The following TMEM87B variants were observed in gnomAD, a reference collection of about 807,000 sequenced individuals.
TMEM87B encodes the protein transmembrane protein 87B.
TMEM87B carries 83 observed loss-of-function variants against 80.3 expected under a neutral mutation model. The ratio of observed to expected loss-of-function variants is 1.03; its 90% confidence interval spans 0.87 to 1.24. The LOEUF is 1.24. TMEM87B is among the 50% of genes most tolerant of loss of function. The pLI is 0.00. For missense variants in TMEM87B, 625 were observed against 674.4 expected (o/e 0.93, Z 0.81); for synonymous variants, 219 against 230.5 (o/e 0.95, Z 0.45).
Position 112,055,732 on chromosome 2 carries a change from G to C in TMEM87B, c.141G>C (p.Gly47=). ...PAAVRAVPEL[G]LWLETVNDKS... ...CTGTGCGCGCGGTCCCTGAGCTCGGGCTCTGGTTAGAGACAGTCAACGACG... is the reference window on the plus strand; with the variant it reads ...CTGTGCGCGCGGTCCCTGAGCTCGGCCTCTGGTTAGAGACAGTCAACGACG... The change falls in exon 1 of 19, where the codon GGG becomes GGC. Residue 47 remains glycine, a synonymous_variant. Coordinates refer to ENST00000283206, the MANE Select transcript of TMEM87B (RefSeq NM_032824.3). 9 of 1,522,536 alleles carry C rather than the reference G, an allele frequency of 5.9e-6. No homozygotes were observed. The highest frequency in any genetic ancestry group is 7.9e-6 in the Non-Finnish European group (9 of 1,142,468). The allele number at this position is 1,522,536 out of a possible 1,614,324, so 94.3% of individuals were successfully genotyped here.
chr2:112,075,074 C>A, intron 5 of TMEM87B, 112 bp downstream of exon 5: 1 of 1,411,178 alleles, frequency 7.1e-7, no homozygotes, highest in Non-Finnish European at 9.4e-7. Context: ...GTTATTAGAA[C>A]TGTGGAAGGA....
At chr2:112,097,388 T>C in intron 13 of TMEM87B, 97 bp downstream of exon 13, 1 of 1,059,128 alleles carries the variant, frequency 9.4e-7, no homozygotes, top group Non-Finnish European at 1.3e-6. Context: ...GAGGTGATTT[T>C]AATGGAGATT....
At chr2:112,091,816 T>C (rs1679310399) in intron 11 of TMEM87B, 33 bp downstream of exon 11, 1 of 1,472,058 alleles carries the variant, frequency 6.8e-7, no homozygotes, top group Non-Finnish European at 9.4e-7. Flanking sequence ...AAATAGTTTG[T>C]TGTATCATGA....
intron 17 of TMEM87B, among the ~76,000 whole-genome samples, chr2:112,111,729 A>C (rs1233583563): frequency 6.6e-6 from 1 of 152,218 alleles, no homozygotes; most frequent in Non-Finnish European, 1.5e-5. Context: ...AAGTCATGGG[A>C]CATTTTAAAC....
intron 17 of TMEM87B, among the ~76,000 whole-genome samples, chr2:112,109,242 T>C (rs1364166019): frequency 6.6e-6 from 1 of 152,198 alleles, no homozygotes; most frequent in African/African-American, 2.4e-5. Context: ...ATTTTAGCAG[T>C]CAGAAAAGGA....
At chr2:112,095,504 C>T (rs1234422274) in intron 11 of TMEM87B, 3 of 940,392 alleles carry the variant, frequency 3.2e-6, no homozygotes, top group Admixed American at 6.2e-5. Flanking sequence ...TTAAACCAGA[C>T]CAGATTTTTT....
intron 1 of TMEM87B, among the ~76,000 whole-genome samples, chr2:112,057,703 C>T (rs998454695): frequency 3.9e-5 from 6 of 152,176 alleles, no homozygotes; most frequent in African/African-American, 1.4e-4. Context: ...AAGACGTTCA[C>T]ACAATAATAC....
In TMEM87B at chr2:112,055,405, C is replaced by T; in HGVS notation, c.-187C>T. ...CGGCTCAGAGCCCTAAGCCCTGCCT[C>T]CCGGTCCTGGCCGGGTTTCCCAGAA... is the stretch of plus-strand genomic sequence containing the variant. On this transcript the variant is annotated 5_prime_UTR_variant, in exon 1 of 19. Transcript: ENST00000283206. 1 of 633,590 alleles carries T rather than the reference C, an allele frequency of 1.6e-6. No homozygotes were observed. Among genetic ancestry groups the T allele is most frequent in the Non-Finnish European group, 2.5e-6 (1 of 398,486 alleles). The allele number at this position is 633,590 out of a possible 1,614,324, so 39.2% of individuals were successfully genotyped here. A position where few individuals can be genotyped will look rare whatever the true frequency, so the allele number is the denominator to read the frequency against.
At position 112,060,305 on chromosome 2, in the gene TMEM87B, C is replaced by T. The variant is rs562839912; in HGVS notation, c.226+268C>T. Among the ~76,000 whole-genome samples the T allele has an allele frequency of 1.7e-4, 26 of 151,384 alleles. 1 individual carries two copies. The highest frequency in any genetic ancestry group is 5.8e-4 in the African/African-American group (24 of 41,252). On this transcript the variant is annotated intron_variant, in intron 2 of 18. Transcript: ENST00000283206. ...CAGAGCTTGCAGTGAGCCGAGATCG[C>T]GCCACTGCACTCCAGCCTGGGCGAC...
At chr2:112,081,674 C>T (rs112265100) in intron 8 of TMEM87B, among the ~76,000 whole-genome samples, 156 bp downstream of exon 8, 4 of 152,108 alleles carry the variant, frequency 2.6e-5, no homozygotes, top group Admixed American at 2.0e-4. Flanking sequence ...TCAGAGTAGG[C>T]CTCTGATCTG....
chr2:112,098,926 A>C (rs1573720654), intron 14 of TMEM87B, among the ~76,000 whole-genome samples: 1 of 152,256 alleles, frequency 6.6e-6, no homozygotes, highest in South Asian at 2.1e-4. Context: ...GACAGCGCTT[A>C]CATTACACCT....
rs747975551 is a variant in TMEM87B, at chr2:112,055,585, G to C, written c.-7G>C. ...CTCGGAGCGCCAGGTGCAGCTTCCT[G>C]GTCAAGATGGTCGCCGCCTGCCGCT... On this transcript the variant is annotated 5_prime_UTR_variant, in exon 1 of 19. Transcript: ENST00000283206. The C allele has an allele frequency of 4.6e-6, 7 of 1,513,224 alleles. No homozygotes were observed. Among genetic ancestry groups the C allele is most frequent in the Non-Finnish European group, 6.2e-6 (7 of 1,133,866 alleles). 93.7% of individuals were successfully genotyped at this position (1,513,224 alleles called of 1,614,324 possible). A position where few individuals can be genotyped will look rare whatever the true frequency, so the allele number is the denominator to read the frequency against.
chr2:112,095,386 G>A, intron 11 of TMEM87B: 2 of 984,102 alleles, frequency 2.0e-6, no homozygotes, highest in Non-Finnish European at 2.4e-6. Context: ...TCCATGGCAG[G>A]AATGATTTAC....
intron 1 of TMEM87B, among the ~76,000 whole-genome samples, chr2:112,058,072 C>T (rs1451453408): frequency 6.6e-6 from 1 of 152,208 alleles, no homozygotes; most frequent in African/African-American, 2.4e-5. Flanking sequence ...GGTGATCCTC[C>T]CGCCTCAGCC....
chr2:112,080,953 A>G, intron 6 of TMEM87B, 104 bp from the exon 7 acceptor site: 1 of 952,166 alleles, frequency 1.1e-6, no homozygotes, highest in Non-Finnish European at 1.6e-6. Flanking sequence ...CAAATTCAGC[A>G]TTTGTTAGTG....
At chr2:112,057,939 T>A (rs1678131406) in intron 1 of TMEM87B, among the ~76,000 whole-genome samples, 1 of 151,720 alleles carries the variant, frequency 6.6e-6, no homozygotes, top group Non-Finnish European at 1.5e-5. Context: ...GGGATTCTCC[T>A]GCCTCAGCCT....
chr2:112,116,314 G>A lies in TMEM87B; in HGVS notation c.*171G>A. The A allele has an allele frequency of 3.6e-6, 2 of 560,910 alleles. No individual in the cohort carries two copies. The highest frequency in any genetic ancestry group is 6.2e-6 in the Non-Finnish European group (2 of 321,626). The allele number at this position is 560,910 out of a possible 1,614,324, so 34.7% of individuals were successfully genotyped here. A position where few individuals can be genotyped will look rare whatever the true frequency, so the allele number is the denominator to read the frequency against. ...GAGGTTCTATAGTCCTTTTAAAGCT[G>A]ACTCTTGAGTGTCAGTTGAATATCC... On this transcript the variant is annotated 3_prime_UTR_variant, in exon 19 of 19. Coordinates refer to ENST00000283206, the MANE Select transcript of TMEM87B (RefSeq NM_032824.3).
At chr2:112,076,580 TCCAC>T (rs1260412469) in intron 5 of TMEM87B, among the ~76,000 whole-genome samples, 1 of 152,172 alleles carries the variant, frequency 6.6e-6, no homozygotes. Context: ...GCTCAAGTGA[TCCAC>T]CCACCTCGGC....
intron 4 of TMEM87B, among the ~76,000 whole-genome samples, chr2:112,073,742 G>A (rs556705413): frequency 2.6e-5 from 4 of 152,286 alleles, no homozygotes; most frequent in South Asian, 4.1e-4. Context: ...CTCTTTAAAC[G>A]TCTCTAAGAA....
Sources: gnomAD v4.1 joint callset for allele counts (sites outside exome capture counted in the v4.1 genomes callset) on GRCh38, gnomAD v4.1.1 for gene constraint, MANE v1.5 for transcripts, NCBI Gene and HGNC (gene_info 2026-07-23, HGNC 2026-07-21) for gene names.